The following CENPE variants were observed in gnomAD, a reference collection of about 807,000 sequenced individuals.
The protein encoded by CENPE is centromere-associated protein E.
Under a neutral mutation model 336.1 loss-of-function variants are expected in CENPE, and 145 were observed. That is an observed-to-expected ratio of 0.43 (90% CI 0.38 to 0.50). The LOEUF (loss-of-function observed/expected upper bound fraction) is 0.50. Among genes scored for constraint, CENPE ranks in the 20% least tolerant of loss-of-function variants. The probability of loss-of-function intolerance (pLI) is 0.00; values close to 1 mark genes in which losing one functional copy is unlikely to be tolerated. For missense variants in CENPE, 2,719 were observed against 3,023.3 expected, an observed-to-expected ratio of 0.90 and a Z score of 2.36; for synonymous variants, 1,013 against 984.8, an observed-to-expected ratio of 1.03 and a Z score of -0.54.
In CENPE at chr4:103,141,019, T is replaced by C; in HGVS notation, c.5549A>G (p.Glu1850Gly). ...GTCTTTTATTTGTTTCTTTAGTTGC[T>C]CCATTTCAGACACTTTTTTCTGTGT... ...NETQKKVSEMEQLKKQIKDQS... is the reference protein window; with the variant it reads ...NETQKKVSEMGQLKKQIKDQS... Residue 1850 changes from glutamate to glycine, a missense_variant, in exon 36 of 49, where the codon GAG (glutamate) becomes GGG (glycine). Glu to Gly is a moderately conservative substitution (Grantham distance 98). Coordinates refer to ENST00000265148, the MANE Select transcript of CENPE (RefSeq NM_001813.3). 6.2e-7 allele frequency: 1 copy of C among 1,605,372 alleles called. No individual in the cohort carries two copies. The highest frequency in any genetic ancestry group is 2.2e-5 in the East Asian group (1 of 44,764).
intron 8 of CENPE, among the ~76,000 whole-genome samples, chr4:103,188,636 T>C (rs199933685): frequency 9.2e-5 from 14 of 152,200 alleles, no homozygotes; most frequent in South Asian, 2.1e-4. Context: ...GGGACACATT[T>C]AAAGCAGTGT....
In CENPE at chr4:103,176,914, G is replaced by T. The variant is rs746964774; in HGVS notation, c.1375C>A (p.Arg459=). Reference sequence around the variant, plus strand: ...AAGCACTCACATTCATCAATTTCTCGTAATAAATTTATAGAAAGCTTATGT... The same window carrying T: ...AAGCACTCACATTCATCAATTTCTCTTAATAAATTTATAGAAAGCTTATGT... The part of the protein sequence containing the change: ...KTHKLSINLL[R]EIDESVCSES... The change falls in exon 14 of 49, where the codon CGA becomes AGA. Residue 459 remains arginine, a synonymous_variant. Transcript: ENST00000265148. The T allele has an allele frequency of 4.5e-6, 7 of 1,566,644 alleles. No individual in the cohort carries two copies. In the East Asian group the frequency reaches 1.4e-4, roughly 31 times the overall value.
chr4:103,140,470 C>G, intron 36 of CENPE, 56 bp from the exon 37 acceptor site: 1 of 1,195,300 alleles, frequency 8.4e-7, no homozygotes, highest in Non-Finnish European at 1.2e-6. Flanking sequence ...GTTACCTTTA[C>G]TTAATGATTG....
intron 14 of CENPE, 39 bp downstream of exon 14, chr4:103,176,860 T>A (rs1371237688): frequency 6.8e-7 from 1 of 1,478,236 alleles, no homozygotes; most frequent in Non-Finnish European, 9.2e-7. Context: ...AAGGATGCTT[T>A]TATAATTAAA....
intron 8 of CENPE, among the ~76,000 whole-genome samples, chr4:103,192,895 G>A (rs1046383922): frequency 6.6e-6 from 1 of 151,726 alleles, no homozygotes; most frequent in Admixed American, 6.6e-5. Context: ...AGTAAGAAAC[G>A]TCACAGAATA....
At chr4:103,117,015 G>A (rs956694719) in intron 44 of CENPE, among the ~76,000 whole-genome samples, 2 of 152,020 alleles carry the variant, frequency 1.3e-5, no homozygotes, top group Admixed American at 6.6e-5. Context: ...ATAATGAAAA[G>A]GGTGGAAAAA....
intron 18 of CENPE, 24 bp downstream of exon 18, chr4:103,163,113 C>T (rs1242898709): frequency 6.3e-7 from 1 of 1,593,710 alleles, no homozygotes; most frequent in African/African-American, 1.3e-5. Context: ...TGTGATTACA[C>T]AACAAAATAC....
Position 103,120,231 on chromosome 4 carries a change from C to T in CENPE, c.7246G>A (p.Asp2416Asn), listed in dbSNP as rs754757852. The stretch of plus-strand genomic sequence containing the variant: ...TTGGCTTGAAGTTTTGCTATTATGT[C>T]ATTAGTCACCTCAAGTTCTTTCTGC... ...KMQKELEVTN[D>N]IIAKLQAKVH... Residue 2416 changes from aspartate (D) to asparagine (N), a missense_variant, in exon 44 of 49, where the codon GAC becomes AAC. Coordinates refer to ENST00000265148, the MANE Select transcript of CENPE (RefSeq NM_001813.3). 3.7e-6 allele frequency: 6 copies of T among 1,612,412 alleles called. No homozygotes were observed. Among genetic ancestry groups the T allele is most frequent in the Non-Finnish European group, 3.4e-6 (4 of 1,179,178 alleles).
intron 42 of CENPE, among the ~76,000 whole-genome samples, chr4:103,131,896 G>T (rs926153847): frequency 1.3e-5 from 2 of 152,082 alleles, no homozygotes; most frequent in Admixed American, 6.6e-5. Context: ...CTGGAAAAGG[G>T]GCTACTATGG....
intron 42 of CENPE, among the ~76,000 whole-genome samples, 176 bp from the exon 43 acceptor site, chr4:103,123,265 G>C (rs964640350): frequency 6.6e-6 from 1 of 152,172 alleles, no homozygotes; most frequent in African/African-American, 2.4e-5. Context: ...ATCATTCTGA[G>C]TAGCACAGTG....
At chr4:103,113,180 GTATATATACTTATAAGTATATAAGT>G (rs1749717530) in intron 46 of CENPE, among the ~76,000 whole-genome samples, 1 of 90,090 alleles carries the variant, frequency 1.1e-5, no homozygotes. Context: ...GTATATAAGT[GTATATATACTTATAAGTATATAAGT>G]GTATATATAT....
chr4:103,138,527 A>C, intron 38 of CENPE, 78 bp from the exon 39 acceptor site: 1 of 874,902 alleles, frequency 1.1e-6, no homozygotes, highest in Non-Finnish European at 1.9e-6. Flanking sequence ...CACACTTCTA[A>C]ATTACATGAC....
chr4:103,133,944 G>C (rs758414334), intron 40 of CENPE, 52 bp from the exon 41 acceptor site: 2 of 1,189,010 alleles, frequency 1.7e-6, no homozygotes, highest in Non-Finnish European at 2.4e-6. Context: ...GTCACATGTA[G>C]AGAAAGTTTT....
rs1219491254 is a variant in CENPE, at chr4:103,113,235, T to C, written c.7540+1220A>G. Among the ~76,000 whole-genome samples, 33 of 140,706 alleles carry C rather than the reference T, an allele frequency of 2.3e-4. 2 individuals are homozygous for C. Among genetic ancestry groups the C allele is most frequent in the Non-Finnish European group, 1.2e-4 (8 of 65,288 alleles). The allele number at this position is 140,706 out of a possible 152,430, so 92.3% of individuals were successfully genotyped here. ...ATATATACTTTTAAGTATATGTGTA[T>C]ATATACTTATAAGTATATATAAGTG... On this transcript the variant is annotated intron_variant, in intron 46 of 48. Coordinates refer to ENST00000265148, the MANE Select transcript of CENPE (RefSeq NM_001813.3).
Position 103,138,224 on chromosome 4 carries a change from A to G in CENPE, c.6303+127T>C, listed in dbSNP as rs573109972. On this transcript the variant is annotated intron_variant, in intron 39 of 48. Transcript: ENST00000265148. ...TATACCCACACACCTGTACTAGATT[A>G]CAATGTTTAGAAAAATACTGAGCAC... 3.0e-5 allele frequency: 21 copies of G among 689,320 alleles called. No homozygotes were observed. The African/African-American group carries it at 3.7e-4, about 12-fold the overall frequency. The allele number at this position is 689,320 out of a possible 1,614,324, so 42.7% of individuals were successfully genotyped here.
chr4:103,145,902 AG>A lies in CENPE; in HGVS notation c.4339del (p.Leu1447TyrfsTer19). On this transcript the variant is annotated frameshift_variant, in exon 30 of 49. Transcript: ENST00000265148. LOFTEE classifies it high-confidence loss of function. ...TTGAAGAACTTCTTGCAGCCTCTGT[AG>A]GTCATCTTTCTCCTTAGCTACAGAT... ...MKSVAKEKDD[L>X]QRLQEVLQSE... 6.2e-7 allele frequency: 1 copy of A among 1,613,844 alleles called. No individual in the cohort carries two copies. The highest frequency in any genetic ancestry group is 8.5e-7 in the Non-Finnish European group (1 of 1,179,886).
intron 8 of CENPE, among the ~76,000 whole-genome samples, chr4:103,189,274 C>T (rs1757083785): frequency 6.6e-6 from 1 of 152,172 alleles, no homozygotes; most frequent in South Asian, 2.1e-4. Context: ...CAAGGGAATC[C>T]TCCCTAACTC....
At chr4:103,119,046 A>T (rs1054054379) in intron 44 of CENPE, among the ~76,000 whole-genome samples, 7 of 151,216 alleles carry the variant, frequency 4.6e-5, no homozygotes, top group African/African-American at 9.7e-5. Flanking sequence ...ACATTCCTCA[A>T]CTCCTGTATA....
chr4:103,157,920 T>C (rs1365822618), intron 24 of CENPE, among the ~76,000 whole-genome samples: 1 of 151,866 alleles, frequency 6.6e-6, no homozygotes, highest in Non-Finnish European at 1.5e-5. Flanking sequence ...TACCAATATA[T>C]CTTAGAGGTG....
Sources: allele counts gnomAD v4.1 joint callset (sites outside exome capture counted in the v4.1 genomes callset), GRCh38; gene constraint gnomAD v4.1.1; transcripts MANE v1.5; gene names NCBI Gene and HGNC (gene_info 2026-07-23, HGNC 2026-07-21).